The following CDHR2 variants were observed in gnomAD, a reference collection of about 807,000 sequenced individuals.
CDHR2 encodes cadherin-related family member 2.
A neutral mutation model predicts 138.6 loss-of-function variants in CDHR2; 104 were observed. The ratio of observed to expected loss-of-function variants is 0.75; its 90% CI spans 0.64 to 0.88. The LOEUF is 0.88. Among genes scored for constraint, CDHR2 ranks in the 40% least tolerant of loss-of-function variants. CDHR2 has a pLI of 0.00. For missense variants in CDHR2, 1,624 were observed against 1,727.6 expected (o/e 0.94, Z 1.06); for synonymous variants, 755 against 742.8 (o/e 1.02, Z -0.27).
intron 31 of CDHR2, among the ~76,000 whole-genome samples, chr5:176,594,933 G>A (rs1758984497): frequency 1.3e-5 from 2 of 152,182 alleles, no homozygotes; most frequent in Non-Finnish European, 2.9e-5. Flanking sequence ...ATGATAAACT[G>A]CAGGTGGGAC....
Position 176,584,782 on chromosome 5 carries a change from C to G in CDHR2, c.2501C>G (p.Ser834Trp), listed in dbSNP as rs766703295. 1 of 1,614,094 alleles carries G rather than the reference C, an allele frequency of 6.2e-7. No homozygotes were observed. The highest frequency in any genetic ancestry group is 8.5e-7 in the Non-Finnish European group (1 of 1,180,046). The change falls in exon 19 of 32, where the codon TCG becomes TGG. Residue 834 changes from serine to tryptophan, a missense_variant. This residue lies in a region of CDHR2 where 1,061 missense variants were observed against 1,136.6 expected (regional missense o/e 0.93). Coordinates refer to ENST00000261944, the MANE Select transcript of CDHR2 (RefSeq NM_017675.6). Reference sequence around the variant, plus strand: ...GGCCAGGTGGCTGTGGTGGTTGCCTCGGATGTGGACACCAGTGCCCAGCTG... The same window carrying G: ...GGCCAGGTGGCTGTGGTGGTTGCCTGGGATGTGGACACCAGTGCCCAGCTG... ...QHGQVAVVVA[S>W]DVDTSAQLEI...
intron 6 of CDHR2, among the ~76,000 whole-genome samples, chr5:176,572,703 C>A (rs980979052): frequency 6.6e-6 from 1 of 152,200 alleles, no homozygotes; most frequent in African/African-American, 2.4e-5. Context: ...CCTGAACTTC[C>A]GTTGCCATGT....
At chr5:176,551,985 C>T (rs1251448582) in intron 1 of CDHR2, among the ~76,000 whole-genome samples, 2 of 152,124 alleles carry the variant, frequency 1.3e-5, no homozygotes, top group East Asian at 1.9e-4. Flanking sequence ...GCTGGGATTA[C>T]AGGCGTGAGT....
At chr5:176,566,120 A>T (rs1277520222) in intron 3 of CDHR2, among the ~76,000 whole-genome samples, 1 of 151,230 alleles carries the variant, frequency 6.6e-6, no homozygotes, top group Admixed American at 6.6e-5. Context: ...AAGGGAGAGC[A>T]GGTGTCAGGC....
At position 176,575,329 on chromosome 5, in the gene CDHR2, C is replaced by A. The variant is rs760963659; in HGVS notation, c.671C>A (p.Pro224His). 1.1e-5 allele frequency: 17 copies of A among 1,614,256 alleles called. No homozygotes were observed. The highest frequency in any genetic ancestry group is 1.3e-5 in the Non-Finnish European group (15 of 1,180,054). Residue 224 changes from proline (P) to histidine (H), a missense_variant, in exon 9 of 32, where the codon CCT becomes CAT. Pro to His is a moderately conservative substitution (Grantham distance 77). Transcript: ENST00000261944. Reference protein sequence around the residue: ...HNTFTIQCSLPVFLSISVVDQ... With the variant: ...HNTFTIQCSLHVFLSISVVDQ... Reference sequence around the variant, plus strand: ...ACCTTCACCATCCAGTGCTCCCTGCCTGTCTTCCTGTCCATCTCCGTGGTG... The same window carrying A: ...ACCTTCACCATCCAGTGCTCCCTGCATGTCTTCCTGTCCATCTCCGTGGTG...
At chr5:176,565,538 A>T (rs1385479304) in intron 2 of CDHR2, 134 bp downstream of exon 2, 13 of 1,210,232 alleles carry the variant, frequency 1.1e-5, no homozygotes, top group African/African-American at 1.5e-5. Context: ...TAAGCTGGGG[A>T]GGCCTGGGGA....
intron 31 of CDHR2, among the ~76,000 whole-genome samples, chr5:176,593,433 C>T (rs912975185): frequency 2.0e-5 from 3 of 152,044 alleles, no homozygotes; most frequent in Non-Finnish European, 4.4e-5. Flanking sequence ...TTGTAAAAGC[C>T]GCTCAGGGGG....
chr5:176,581,373 A>C lies in CDHR2; in HGVS notation c.1849A>C (p.Asn617His). Reference sequence around the variant, plus strand: ...CGACAATGATGAGCCGGGCACCAACAACAGCCGTCTGCTCTTCAACCTGCT... The same window carrying C: ...CGACAATGATGAGCCGGGCACCAACCACAGCCGTCTGCTCTTCAACCTGCT... Reference protein sequence around the residue: ...AHDNDEPGTNNSRLLFNLLPG... With the variant: ...AHDNDEPGTNHSRLLFNLLPG... Residue 617 changes from asparagine to histidine, a missense_variant, in exon 17 of 32, where the codon AAC becomes CAC. Transcript: ENST00000261944. The C allele has an allele frequency of 6.2e-7, 1 of 1,613,932 alleles. No homozygotes were observed. Among genetic ancestry groups the C allele is most frequent in the South Asian group, 1.1e-5 (1 of 91,082 alleles).
At position 176,577,653 on chromosome 5, in the gene CDHR2, C is replaced by T. The variant is rs1758423819; in HGVS notation, c.1367C>T (p.Ser456Phe). The T allele has an allele frequency of 1.2e-6, 2 of 1,614,094 alleles. No homozygotes were observed. Among genetic ancestry groups the T allele is most frequent in the African/African-American group, 2.7e-5 (2 of 74,934 alleles). ...AMAVQVVATD[S>F]VSQNFSVAMV... ...TGCCCCCAGGTTGTGGCCACAGACT[C>T]CGTCAGCCAGAACTTCTCCGTCGCC... Residue 456 changes from serine to phenylalanine, a missense_variant, in exon 14 of 32, where the codon TCC becomes TTC. Transcript: ENST00000261944.
chr5:176,546,812 G>A (rs1396710413), upstream of CDHR2, among the ~76,000 whole-genome samples: 1 of 150,790 alleles, frequency 6.6e-6, no homozygotes, highest in Non-Finnish European at 1.5e-5. Flanking sequence ...CCTGGTCTCT[G>A]GTCTCTTAAC....
chr5:176,578,716 G>C (rs1758463527), intron 16 of CDHR2, 108 bp downstream of exon 16: 1 of 1,455,356 alleles, frequency 6.9e-7, no homozygotes, highest in African/African-American at 1.4e-5. Context: ...GTGGCTCTGA[G>C]ACAGTCACTC....
intron 1 of CDHR2, among the ~76,000 whole-genome samples, chr5:176,550,731 G>A (rs1448856502): frequency 1.3e-5 from 2 of 152,156 alleles, no homozygotes; most frequent in African/African-American, 2.4e-5. Flanking sequence ...AGTGCACCCC[G>A]GGGGCTCCCC....
At position 176,584,983 on chromosome 5, in the gene CDHR2, C is replaced by T. The variant is rs35018750; in HGVS notation, c.2702C>T (p.Thr901Met). ...GTTGTGCGGGCCTGTGACCTAGCCACGGACCCCGGCTTCCAGGCCTACAGC... is the reference window on the plus strand; with the variant it reads ...GTTGTGCGGGCCTGTGACCTAGCCATGGACCCCGGCTTCCAGGCCTACAGC... ...TLVVRACDLA[T>M]DPGFQAYSNN... is the part of the protein sequence containing the mutation. The change falls in exon 19 of 32, where the codon ACG becomes ATG. Residue 901 changes from threonine to methionine, a missense_variant. Transcript: ENST00000261944. 0.015 allele frequency: 23,631 copies of T among 1,550,318 alleles called. 211 individuals are homozygous for T. The highest frequency in any genetic ancestry group is 0.019 in the Non-Finnish European group (21,242 of 1,144,568).
At position 176,592,726 on chromosome 5, in the gene CDHR2, C is replaced by G. The variant is rs1198562100; in HGVS notation, c.3738C>G (p.Val1246=). 3 of 1,613,768 alleles carry G rather than the reference C, an allele frequency of 1.9e-6. No individual in the cohort carries two copies. Among genetic ancestry groups the G allele is most frequent in the Non-Finnish European group, 2.5e-6 (3 of 1,179,824 alleles). The change falls in exon 31 of 32, where the codon GTC becomes GTG. Residue 1246 remains valine, a synonymous_variant. Transcript: ENST00000261944. ...SPSNDLDSVS[V]NSLDDNSVDV... The stretch of plus-strand genomic sequence containing the variant: ...AGCTCCATCACCTCTCTTACAGCGT[C>G]AACTCCCTGGACGACAACTCTGTGG...
rs775240124 is a variant in CDHR2 at position 176,578,640 on chromosome 5, CTGGGGGAGG to C, written c.1818+33_1818+41del. ...GCCTGCCTGGACCTGGTGGGTAAGG[CTGGGGGAGG>C]GGACCAAGCCTGCTCTGTGGGCATG... On this transcript the variant is annotated intron_variant, in intron 16 of 31. Transcript: ENST00000261944. The C allele has an allele frequency of 2.4e-5, 38 of 1,602,672 alleles. No individual in the cohort carries two copies. In the East Asian group the frequency reaches 6.7e-4, roughly 28 times the overall value.
At position 176,550,160 on chromosome 5, in the gene CDHR2, G is replaced by A. The variant is rs75038660; in HGVS notation, c.-16+746G>A. On this transcript the variant is annotated intron_variant, in intron 1 of 31. Coordinates refer to ENST00000261944, the MANE Select transcript of CDHR2 (RefSeq NM_017675.6). ...AGGGTCCCAGTGAGCACCGAGGTCCGGCAGATGGAAACAAGTCATGGCCCG... is the reference window on the plus strand; with the variant it reads ...AGGGTCCCAGTGAGCACCGAGGTCCAGCAGATGGAAACAAGTCATGGCCCG... 4.1e-3 allele frequency among the ~76,000 whole-genome samples: 630 copies of A among 152,346 alleles called. 6 individuals carry two copies. The highest frequency in any genetic ancestry group is 0.015 in the African/African-American group (606 of 41,566).
chr5:176,587,255 C>A (rs569265908), intron 21 of CDHR2, among the ~76,000 whole-genome samples: 31 of 152,164 alleles, frequency 2.0e-4, no homozygotes, highest in African/African-American at 7.0e-4. Flanking sequence ...TGCGACCAGC[C>A]TGACCAACAT....
At chr5:176,566,590 C>T (rs1758088155) in intron 3 of CDHR2, among the ~76,000 whole-genome samples, 1 of 152,200 alleles carries the variant, frequency 6.6e-6, no homozygotes, top group African/African-American at 2.4e-5. Flanking sequence ...GCCCTCCCTG[C>T]AGGGCTTGAG....
At chr5:176,549,115 T>C (rs1259358976), upstream of CDHR2, among the ~76,000 whole-genome samples, 1 of 152,164 alleles carries the variant, frequency 6.6e-6, no homozygotes, top group Non-Finnish European at 1.5e-5. Context: ...CCAGGTCCTC[T>C]GGGCTCAGGG....
Sources: gnomAD v4.1 joint callset for allele counts (sites outside exome capture counted in the v4.1 genomes callset) on GRCh38, gnomAD v4.1.1 for gene constraint, gnomAD v4.1.1 regional missense constraint, MANE v1.5 for transcripts, NCBI Gene and HGNC (gene_info 2026-07-23, HGNC 2026-07-21) for gene names.